Variants in PEX14 observed in about 807,000 individuals in gnomAD.
The protein encoded by PEX14 is peroxisomal biogenesis factor 14, also known as peroxisomal membrane protein PEX14.
In PEX14, 15 loss-of-function variants were observed where a neutral mutation model predicts 49.5. The ratio of observed to expected loss-of-function variants is 0.30; its 90% CI spans 0.20 to 0.47. The LOEUF (loss-of-function observed/expected upper bound fraction) is 0.47. Among genes scored for constraint, PEX14 ranks in the 20% least tolerant of loss-of-function variants. PEX14 has a pLI of 1.00. For synonymous variants in PEX14, 210 were observed against 212.7 expected, an observed-to-expected ratio of 0.99 and a Z score of 0.11; for missense variants, 398 against 494.8, an observed-to-expected ratio of 0.80 and a Z score of 1.86.
At chr1:10,612,290 G>C (rs971799639) in intron 4 of PEX14, among the ~76,000 whole-genome samples, 9 of 151,818 alleles carry the variant, frequency 5.9e-5, no homozygotes, top group African/African-American at 1.9e-4. Flanking sequence ...AAAATCAGTT[G>C]ACCATGTAAG....
At chr1:10,516,817 A>G (rs1377545977) in intron 2 of PEX14, among the ~76,000 whole-genome samples, 3 of 152,206 alleles carry the variant, frequency 2.0e-5, no homozygotes, top group Non-Finnish European at 2.9e-5. Flanking sequence ...AGTAGTTTGG[A>G]GAATGGGTGA....
chr1:10,567,424 A>G (rs531155947), intron 3 of PEX14, among the ~76,000 whole-genome samples: 78 of 152,096 alleles, frequency 5.1e-4, no homozygotes, highest in Non-Finnish European at 8.7e-4. Flanking sequence ...CATTTTTTCA[A>G]TTATTTGGAA....
intron 4 of PEX14, among the ~76,000 whole-genome samples, chr1:10,601,946 C>T (rs180946445): frequency 2.1e-4 from 32 of 152,254 alleles, no homozygotes; most frequent in Middle Eastern, 6.8e-3. Context: ...GGCTTAATAC[C>T]GAACAGGTCT....
rs1020770361 is a variant in PEX14, at chr1:10,597,513, A to G, written c.170-1725A>G. ...CCTGTTCTTCTTGGAAGGTGAAATT[A>G]TGGGTAAAGCAGTCCCTTTGCAGCA... On this transcript the variant is annotated intron_variant, in intron 3 of 8. Coordinates refer to ENST00000356607, the MANE Select transcript of PEX14 (RefSeq NM_004565.3). This position sits in a 1 kb window ranked among gnomAD's most constrained non-coding sequence, Gnocchi z 5.7. Among the ~76,000 whole-genome samples, 8 of 152,124 alleles carry G rather than the reference A, an allele frequency of 5.3e-5. No homozygotes were observed. The highest frequency in any genetic ancestry group is 8.8e-5 in the Non-Finnish European group (6 of 68,030).
intron 2 of PEX14, among the ~76,000 whole-genome samples, chr1:10,535,577 C>T (rs1373911708): frequency 1.3e-5 from 2 of 152,172 alleles, no homozygotes; most frequent in East Asian, 3.9e-4. Flanking sequence ...AGTGTGGTCT[C>T]TGCCCTTCAC....
chr1:10,585,393 G>A (rs1447987679), intron 3 of PEX14, among the ~76,000 whole-genome samples: 1 of 152,108 alleles, frequency 6.6e-6, no homozygotes, highest in East Asian at 1.9e-4. Context: ...ATTGTAATAT[G>A]AAAGATATAA....
chr1:10,489,600 C>G (rs1159382144), intron 1 of PEX14, among the ~76,000 whole-genome samples: 2 of 152,176 alleles, frequency 1.3e-5, no homozygotes, highest in Non-Finnish European at 2.9e-5. Flanking sequence ...GGAGTTTCAC[C>G]CTATGCATGC....
chr1:10,536,112 T>C, intron 2 of PEX14, 101 bp from the exon 3 acceptor site: 1 of 793,650 alleles, frequency 1.3e-6, no homozygotes. Flanking sequence ...CACAATAGTA[T>C]GCTTGTCTCT....
chr1:10,629,216 G>T lies in PEX14; in HGVS notation c.678-315G>T, dbSNP rs1219003509. On this transcript the variant is annotated intron_variant, in intron 8 of 8. Coordinates refer to ENST00000356607, the MANE Select transcript of PEX14 (RefSeq NM_004565.3). The surrounding 1 kb of genome is among the most constrained non-coding windows in gnomAD (Gnocchi z 8.5). Reference sequence around the variant, plus strand: ...GGATGGTGCTGAGGATCAGAAGGAAGCAGGCTCCCGCATGGCAGGCAGGCC... The same window carrying T: ...GGATGGTGCTGAGGATCAGAAGGAATCAGGCTCCCGCATGGCAGGCAGGCC... 1.2e-4 allele frequency among the ~76,000 whole-genome samples: 18 copies of T among 152,240 alleles called. No homozygotes were observed. The highest frequency in any genetic ancestry group is 9.8e-4 in the Admixed American group (15 of 15,294).
intron 3 of PEX14, among the ~76,000 whole-genome samples, chr1:10,583,790 A>G (rs1488621290): frequency 6.6e-6 from 1 of 152,182 alleles, no homozygotes; most frequent in Non-Finnish European, 1.5e-5. Flanking sequence ...CAAACCATGC[A>G]GATTTCTGGG....
intron 2 of PEX14, chr1:10,524,399 T>A: frequency 1.1e-6 from 1 of 901,348 alleles, no homozygotes. Context: ...ACTTCTCTGT[T>A]TCTCAGACAG....
At chr1:10,530,234 T>A (rs1476545396) in intron 2 of PEX14, among the ~76,000 whole-genome samples, 1 of 152,220 alleles carries the variant, frequency 6.6e-6, no homozygotes, top group Non-Finnish European at 1.5e-5. Flanking sequence ...TCATTTTTAA[T>A]GAGCAATTTT....
intron 2 of PEX14, among the ~76,000 whole-genome samples, chr1:10,503,583 AGT>A (rs1420699405): frequency 6.6e-6 from 1 of 150,410 alleles, no homozygotes; most frequent in Admixed American, 6.6e-5. Flanking sequence ...TTCATGTAAA[AGT>A]GTTTTTTTAA....
At chr1:10,575,729 A>G (rs971823004) in intron 3 of PEX14, among the ~76,000 whole-genome samples, 1 of 152,158 alleles carries the variant, frequency 6.6e-6, no homozygotes, top group Non-Finnish European at 1.5e-5. Flanking sequence ...TGTTTTTTGT[A>G]TAAAGGAATT....
Position 10,629,837 on chromosome 1 carries a change from TGAG to T in PEX14, c.990_992del (p.Glu330del), listed in dbSNP as rs756432043. 9.4e-6 allele frequency: 15 copies of T among 1,600,980 alleles called. No individual in the cohort carries two copies. The highest frequency in any genetic ancestry group is 8.8e-5 in the South Asian group (8 of 90,546). ...GGGAGGACAAGGAGGACGAGGAGGA[TGAG>T]GAGGATGATGATGTGAGCCATGTGG... On this transcript the variant is annotated inframe_deletion, in exon 9 of 9. Coordinates refer to ENST00000356607, the MANE Select transcript of PEX14 (RefSeq NM_004565.3). The surrounding 1 kb of genome is among the most constrained non-coding windows in gnomAD (Gnocchi z 8.5).
chr1:10,618,015 A>G (rs956594268), intron 4 of PEX14, among the ~76,000 whole-genome samples: 1 of 152,162 alleles, frequency 6.6e-6, no homozygotes, highest in Non-Finnish European at 1.5e-5. Flanking sequence ...GGTAGAGACC[A>G]TGCTGTTGGT....
intron 5 of PEX14, among the ~76,000 whole-genome samples, chr1:10,622,036 G>A (rs1051867147): frequency 6.6e-6 from 1 of 152,126 alleles, no homozygotes; most frequent in African/African-American, 2.4e-5. Flanking sequence ...CACCTGGGGG[G>A]CTTTGTCTCC....
At chr1:10,560,065 T>TC (rs959331623) in intron 3 of PEX14, among the ~76,000 whole-genome samples, 6 of 151,888 alleles carry the variant, frequency 4.0e-5, no homozygotes, top group South Asian at 2.1e-4. Flanking sequence ...ATCTATTTTT[T>TC]TTTTTTTTTG....
At position 10,568,097 on chromosome 1, in the gene PEX14, C is replaced by T. The variant is rs181123304; in HGVS notation, c.170-31141C>T. ...TAATTCATGTCAGTTTTTCCAGGTGCTATATGTAAATAACACTCTCCCCTC... is the reference window on the plus strand; with the variant it reads ...TAATTCATGTCAGTTTTTCCAGGTGTTATATGTAAATAACACTCTCCCCTC... On this transcript the variant is annotated intron_variant, in intron 3 of 8. Coordinates refer to ENST00000356607, the MANE Select transcript of PEX14 (RefSeq NM_004565.3). Among the ~76,000 whole-genome samples, 454 of 152,208 alleles carry T rather than the reference C, an allele frequency of 3.0e-3. 2 individuals carry two copies. The highest frequency in any genetic ancestry group is 0.01 in the African/African-American group (417 of 41,528).
Sources: allele counts gnomAD v4.1 joint callset (sites outside exome capture counted in the v4.1 genomes callset), GRCh38; gene constraint gnomAD v4.1.1; non-coding constraint Gnocchi (gnomAD v3.1); transcripts MANE v1.5; gene names NCBI Gene and HGNC (gene_info 2026-07-23, HGNC 2026-07-21).